The following PTPRT variants were observed in gnomAD, a reference collection of about 807,000 sequenced individuals.
PTPRT encodes receptor-type tyrosine-protein phosphatase T.
In PTPRT, 56 loss-of-function variants were observed where a neutral mutation model predicts 176.8. That is an observed-to-expected ratio of 0.32 (90% CI 0.26 to 0.40). The LOEUF is 0.40. PTPRT is among the 10% of genes least tolerant of loss of function. The pLI is 1.00. For missense variants in PTPRT, 1,540 were observed against 1,908.2 expected (o/e 0.81, Z 3.60); for synonymous variants, 783 against 739.0 (o/e 1.06, Z -0.96).
chr20:42,897,366 T>C (rs2079320895), intron 1 of PTPRT, among the ~76,000 whole-genome samples: 1 of 152,172 alleles, frequency 6.6e-6, no homozygotes, highest in Non-Finnish European at 1.5e-5. Flanking sequence ...CCCATTATAT[T>C]AAATCCAGGA....
chr20:42,742,180 C>T (rs1036907558), intron 6 of PTPRT, among the ~76,000 whole-genome samples: 2 of 152,160 alleles, frequency 1.3e-5, no homozygotes, highest in African/African-American at 4.8e-5. Flanking sequence ...TGAGACCAGA[C>T]GCAGCAAACC....
At chr20:43,058,202 TA>T (rs1168756070) in intron 1 of PTPRT, among the ~76,000 whole-genome samples, 1 of 150,556 alleles carries the variant, frequency 6.6e-6, no homozygotes, top group African/African-American at 2.5e-5. Flanking sequence ...TTATCTTACA[TA>T]ATAAAAAAAG....
chr20:42,883,674 CA>C (rs1460227359), intron 2 of PTPRT, among the ~76,000 whole-genome samples: 1 of 150,178 alleles, frequency 6.7e-6, no homozygotes, highest in African/African-American at 2.5e-5. Context: ...CCCATACAAA[CA>C]CACGGACACA....
intron 18 of PTPRT, among the ~76,000 whole-genome samples, chr20:42,141,172 G>C (rs1477129006): frequency 1.3e-5 from 2 of 152,146 alleles, no homozygotes; most frequent in African/African-American, 4.8e-5. Flanking sequence ...TACCTCCCGA[G>C]GTGCACTGAT....
intron 6 of PTPRT, among the ~76,000 whole-genome samples, chr20:42,754,937 A>G (rs998577132): frequency 1.3e-5 from 2 of 152,202 alleles, no homozygotes; most frequent in African/African-American, 4.8e-5. Flanking sequence ...CGCTGAGTGC[A>G]GGGACTTCCA....
chr20:43,106,146 C>G (rs1417543619), intron 1 of PTPRT, among the ~76,000 whole-genome samples: 2 of 152,118 alleles, frequency 1.3e-5, no homozygotes, highest in African/African-American at 4.8e-5. Context: ...AACCAGAGGT[C>G]AAAGGGTCTC....
chr20:42,685,659 C>T (rs2075679146), intron 6 of PTPRT: 1 of 152,210 alleles, frequency 6.6e-6, no homozygotes. Flanking sequence ...CAAATCTCAT[C>T]TACCTAAGCT....
chr20:42,599,941 C>A (rs2073746061), intron 7 of PTPRT, among the ~76,000 whole-genome samples: 1 of 152,052 alleles, frequency 6.6e-6, no homozygotes, highest in Non-Finnish European at 1.5e-5. Context: ...CTCCATGGAG[C>A]CACATCCAGT....
intron 11 of PTPRT, among the ~76,000 whole-genome samples, chr20:42,329,729 G>A (rs1449957109): frequency 6.6e-6 from 1 of 151,812 alleles, no homozygotes; most frequent in Non-Finnish European, 1.5e-5. Context: ...TTTTAATTTG[G>A]TGACTAAAAA....
intron 1 of PTPRT, among the ~76,000 whole-genome samples, chr20:42,957,546 T>G (rs1981716465): frequency 6.6e-6 from 1 of 152,106 alleles, no homozygotes; most frequent in African/African-American, 2.4e-5. Context: ...TCTTCCACAT[T>G]CAGACTCTCC....
intron 1 of PTPRT, among the ~76,000 whole-genome samples, chr20:42,969,841 T>C (rs1568708712): frequency 6.6e-6 from 1 of 152,212 alleles, no homozygotes; most frequent in Non-Finnish European, 1.5e-5. Flanking sequence ...TTAATAAATA[T>C]GGTACATTTA....
chr20:43,171,614 T>A (rs948906168), intron 1 of PTPRT, among the ~76,000 whole-genome samples: 3 of 152,204 alleles, frequency 2.0e-5, no homozygotes, highest in Non-Finnish European at 4.4e-5. Flanking sequence ...TAATGGTGTG[T>A]CTTTGTTCTC....
In PTPRT at chr20:42,672,756, C is replaced by T. The variant is rs115699890; in HGVS notation, c.1153+5110G>A. ...TCCTTTGGGTTAAGGGAAGGATAGC[C>T]TTCCCTTAGTACCCCAGAATTTTCT... On this transcript the variant is annotated intron_variant, in intron 7 of 30. Transcript: ENST00000373187. 3.8e-3 allele frequency among the ~76,000 whole-genome samples: 575 copies of T among 152,258 alleles called. 6 individuals are homozygous for T. Among genetic ancestry groups the T allele is most frequent in the African/African-American group, 0.014 (561 of 41,550 alleles).
chr20:42,514,862 C>G (rs1303255704), intron 7 of PTPRT, among the ~76,000 whole-genome samples: 2 of 152,104 alleles, frequency 1.3e-5, no homozygotes, highest in African/African-American at 4.8e-5. Flanking sequence ...ATGTATAGGC[C>G]TATTTCTGAC....
At chr20:42,842,544 C>T (rs530360054) in intron 2 of PTPRT, among the ~76,000 whole-genome samples, 5 of 152,170 alleles carry the variant, frequency 3.3e-5, no homozygotes, top group Admixed American at 2.0e-4. Flanking sequence ...CTCCGCCCCC[C>T]GAGTAGCTGG....
chr20:42,635,436 C>T (rs1329463618), intron 7 of PTPRT, among the ~76,000 whole-genome samples: 1 of 152,042 alleles, frequency 6.6e-6, no homozygotes, highest in Non-Finnish European at 1.5e-5. Context: ...AATTCGTGAA[C>T]AAGAACCTGA....
At chr20:42,533,904 T>C (rs2072428946) in intron 7 of PTPRT, among the ~76,000 whole-genome samples, 1 of 152,118 alleles carries the variant, frequency 6.6e-6, no homozygotes, top group Admixed American at 6.5e-5. Context: ...CATTGAGGTG[T>C]CCAGTAAGCA....
At chr20:42,793,669 G>T (rs1249668249) in intron 2 of PTPRT, among the ~76,000 whole-genome samples, 2 of 152,136 alleles carry the variant, frequency 1.3e-5, no homozygotes, top group African/African-American at 2.4e-5. Context: ...AGAAGTTATT[G>T]AATTATCATA....
At chr20:42,949,495 G>A (rs1981095031) in intron 1 of PTPRT, among the ~76,000 whole-genome samples, 1 of 152,158 alleles carries the variant, frequency 6.6e-6, no homozygotes, top group Non-Finnish European at 1.5e-5. Context: ...AACCATTCTT[G>A]GATATTCCAG....
Sources: allele counts gnomAD v4.1 joint callset (sites outside exome capture counted in the v4.1 genomes callset), GRCh38; gene constraint gnomAD v4.1.1; transcripts MANE v1.5; gene names NCBI Gene and HGNC (gene_info 2026-07-23, HGNC 2026-07-21).